The following DIPK1A variants were observed in gnomAD, a reference collection of about 807,000 sequenced individuals.
The protein encoded by DIPK1A is divergent protein kinase domain 1A, also known as family with sequence similarity 69 member A.
DIPK1A carries 27 observed loss-of-function variants against 40.8 expected under a neutral mutation model. The ratio of observed to expected loss-of-function variants is 0.66; its 90% confidence interval spans 0.49 to 0.91. The LOEUF is 0.91. DIPK1A is among the 40% of genes least tolerant of loss of function. The pLI is 0.00. For synonymous variants in DIPK1A, 166 were observed against 171.3 expected (o/e 0.97, Z 0.24); for missense variants, 412 against 505.7 (o/e 0.81, Z 1.78).
intron 2 of DIPK1A, among the ~76,000 whole-genome samples, chr1:92,851,776 T>C (rs1241233051): frequency 6.6e-6 from 1 of 152,056 alleles, no homozygotes; most frequent in East Asian, 1.9e-4. Flanking sequence ...ATGCTGAGAT[T>C]AAACACCTGC....
At chr1:92,835,133 A>T (rs987780520) in intron 4 of DIPK1A, 3 of 614,512 alleles carry the variant, frequency 4.9e-6, no homozygotes, top group Non-Finnish European at 8.6e-6. Context: ...TGGTTTTGCC[A>T]CTAGCGACCT....
chr1:92,957,386 C>T (rs1350543591), intron 1 of DIPK1A, among the ~76,000 whole-genome samples: 3 of 152,240 alleles, frequency 2.0e-5, no homozygotes, highest in Non-Finnish European at 4.4e-5. Context: ...CAATGTGCTG[C>T]ATCATTTAGC....
chr1:92,894,672 A>G (rs1649075200), intron 1 of DIPK1A, among the ~76,000 whole-genome samples: 1 of 152,134 alleles, frequency 6.6e-6, no homozygotes, highest in Admixed American at 6.5e-5. Context: ...GCTGAAGGAA[A>G]TAGAGACACA....
intron 1 of DIPK1A, among the ~76,000 whole-genome samples, chr1:92,927,364 G>GTTTT (rs61508867): frequency 1.7e-4 from 18 of 104,668 alleles, no homozygotes; most frequent in African/African-American, 5.5e-4. Context: ...CAATTTTGTT[G>GTTTT]TTTTTTTTTT....
intron 1 of DIPK1A, among the ~76,000 whole-genome samples, chr1:92,920,448 ATC>A (rs1426684182): frequency 1.3e-5 from 2 of 152,174 alleles, no homozygotes; most frequent in African/African-American, 4.8e-5. Context: ...AGTCAATTAA[ATC>A]TCTTTCCTTA....
chr1:92,925,160 A>G (rs1251797978), intron 1 of DIPK1A, among the ~76,000 whole-genome samples: 1 of 152,174 alleles, frequency 6.6e-6, no homozygotes, highest in Non-Finnish European at 1.5e-5. Context: ...CCACTTGGTC[A>G]TGTTGTATTA....
chr1:92,948,392 T>A (rs1651455465), intron 1 of DIPK1A, among the ~76,000 whole-genome samples: 1 of 152,088 alleles, frequency 6.6e-6, no homozygotes, highest in South Asian at 2.1e-4. Context: ...CATAAATATG[T>A]ACAATTATGT....
intron 1 of DIPK1A, among the ~76,000 whole-genome samples, chr1:92,925,987 C>T (rs971630710): frequency 6.6e-6 from 1 of 152,016 alleles, no homozygotes. Flanking sequence ...TAAGCTTTTT[C>T]TAGGCATTTT....
chr1:92,839,183 A>G (rs755460897), downstream of DIPK1A, among the ~76,000 whole-genome samples: 3 of 151,642 alleles, frequency 2.0e-5, no homozygotes, highest in Admixed American at 6.6e-5. Context: ...ATATGGTGAA[A>G]CCCTGTCTCT....
intron 1 of DIPK1A, among the ~76,000 whole-genome samples, chr1:92,882,083 T>G (rs1449759737): frequency 5.9e-5 from 9 of 152,200 alleles, no homozygotes; most frequent in Admixed American, 4.6e-4. Flanking sequence ...AACTACCACT[T>G]GGGTAAAAAT....
rs892422198 is a variant in DIPK1A at position 92,899,922 on chromosome 1, C to T, written c.55-23492G>A. Among the ~76,000 whole-genome samples, 12 of 152,032 alleles carry T rather than the reference C, an allele frequency of 7.9e-5. No homozygotes were observed. The East Asian group carries it at 2.1e-3, about 27-fold the overall frequency. ...TGCTGGGTGTGGTATTCCTGGCTGG[C>T]TATTTTTTTTTTCTTTCAGCACATC... On this transcript the variant is annotated intron_variant, in intron 1 of 4. Transcript: ENST00000370310.
chr1:92,918,949 G>C (rs1397493376), intron 1 of DIPK1A, among the ~76,000 whole-genome samples: 1 of 152,166 alleles, frequency 6.6e-6, no homozygotes. Context: ...GCAGGAGGCG[G>C]AGCTCAGACA....
At chr1:92,846,777 T>A (rs1240922920) in intron 4 of DIPK1A, among the ~76,000 whole-genome samples, 1 of 92,778 alleles carries the variant, frequency 1.1e-5, no homozygotes, top group Non-Finnish European at 2.1e-5. Context: ...TACAGGCACA[T>A]GCCACCACTC....
intron 1 of DIPK1A, chr1:92,933,245 A>G (rs1405952919): frequency 6.6e-6 from 1 of 152,230 alleles, no homozygotes; most frequent in Non-Finnish European, 1.5e-5. Context: ...ATAACTTAAA[A>G]TAAAAATCAA....
intron 1 of DIPK1A, among the ~76,000 whole-genome samples, chr1:92,893,445 C>CA (rs1273772772): frequency 9.2e-5 from 14 of 151,684 alleles, no homozygotes; most frequent in African/African-American, 3.1e-4. Context: ...TACAGACAAG[C>CA]AAATGCTGAG....
chr1:92,953,606 A>T (rs1356948269), intron 1 of DIPK1A, among the ~76,000 whole-genome samples: 6 of 152,246 alleles, frequency 3.9e-5, no homozygotes, highest in Non-Finnish European at 5.9e-5. Flanking sequence ...CATAATCTAC[A>T]TGGGTGACAT....
Position 92,876,251 on chromosome 1 carries a change from G to A in DIPK1A, c.189+45C>T, listed in dbSNP as rs1279150794. Reference sequence around the variant, plus strand: ...TAAGTATGTAAGCAGTAAATATAGTGTTATGAAGAGGCTTTTTAGTAAACA... The same window carrying A: ...TAAGTATGTAAGCAGTAAATATAGTATTATGAAGAGGCTTTTTAGTAAACA... On this transcript the variant is annotated intron_variant, in intron 2 of 4. Coordinates refer to ENST00000370310, the MANE Select transcript of DIPK1A (RefSeq NM_001006605.5). The A allele has an allele frequency of 6.2e-6, 8 of 1,286,808 alleles. No homozygotes were observed. The East Asian group carries it at 1.8e-4, about 30-fold the overall frequency. 79.7% of individuals were successfully genotyped at this position (1,286,808 alleles called of 1,614,324 possible).
intron 1 of DIPK1A, chr1:92,877,100 G>T: frequency 2.0e-6 from 2 of 985,352 alleles, no homozygotes; most frequent in Non-Finnish European, 2.4e-6. Context: ...GTTACTCTTT[G>T]CATATCAACT....
chr1:92,923,210 C>A (rs1290568913), intron 1 of DIPK1A, among the ~76,000 whole-genome samples: 1 of 152,192 alleles, frequency 6.6e-6, no homozygotes, highest in Non-Finnish European at 1.5e-5. Flanking sequence ...ACGATCTCGG[C>A]TCACTGCAAC....
Sources: allele counts gnomAD v4.1 joint callset (sites outside exome capture counted in the v4.1 genomes callset), GRCh38; gene constraint gnomAD v4.1.1; transcripts MANE v1.5; gene names NCBI Gene and HGNC (gene_info 2026-07-23, HGNC 2026-07-21).